The following STPG4 variants were observed in gnomAD, a reference collection of about 807,000 sequenced individuals.
STPG4 encodes the protein sperm-tail PG-rich repeat containing 4.
A neutral mutation model predicts 31.5 loss-of-function variants in STPG4; 41 were observed. The observed-to-expected ratio is 1.30, with a 90% CI of 1.01 to 1.69. The LOEUF (loss-of-function observed/expected upper bound fraction) is 1.69. STPG4 is among the 40% of genes most tolerant of loss of function. The pLI, the probability that STPG4 is intolerant of heterozygous loss-of-function variation, is 0.00. For missense variants in STPG4, 375 were observed against 293.4 expected, an observed-to-expected ratio of 1.28 and a Z score of -2.03; for synonymous variants, 141 against 103.0, an observed-to-expected ratio of 1.37 and a Z score of -2.24.
intron 5 of STPG4, among the ~76,000 whole-genome samples, chr2:47,122,712 T>A (rs567826993): frequency 6.6e-6 from 1 of 152,166 alleles, no homozygotes; most frequent in Non-Finnish European, 1.5e-5. Flanking sequence ...ATGTTTGCTA[T>A]GCGGTCTTTT....
chr2:47,154,834 G>C (rs78996377), intron 1 of STPG4, among the ~76,000 whole-genome samples: 3,627 of 152,248 alleles, frequency 0.024, 153 homozygotes, highest in African/African-American at 0.083. Context: ...CCAGTCTTCC[G>C]GCAGATGGAG....
chr2:47,136,325 T>C (rs1343708105), intron 3 of STPG4, among the ~76,000 whole-genome samples: 1 of 152,110 alleles, frequency 6.6e-6, no homozygotes, highest in Non-Finnish European at 1.5e-5. Context: ...TTTTGTATTT[T>C]TCAGTAGAGA....
In STPG4 at chr2:47,101,649, A is replaced by C. The variant is rs571090380; in HGVS notation, c.520-11275T>G. 4.0e-5 allele frequency among the ~76,000 whole-genome samples: 6 copies of C among 151,836 alleles called. No homozygotes were observed. The East Asian group carries it at 1.2e-3, about 29-fold the overall frequency. ...CCGGGTTCACCAATCAGAAAGACAT[A>C]ATTTTTGCCCAAAGCCCCATCATAG... On this transcript the variant is annotated intron_variant, in intron 5 of 6. Coordinates refer to ENST00000445927, the MANE Select transcript of STPG4 (RefSeq NM_001163561.2).
intron 5 of STPG4, among the ~76,000 whole-genome samples, chr2:47,110,779 T>C (rs546778372): frequency 3.6e-4 from 55 of 152,358 alleles, no homozygotes; most frequent in Non-Finnish European, 6.3e-4. Context: ...TCCTGCATTT[T>C]TCACTACACA....
chr2:47,101,741 G>C (rs1685804879), intron 5 of STPG4, among the ~76,000 whole-genome samples: 1 of 151,796 alleles, frequency 6.6e-6, no homozygotes, highest in South Asian at 2.1e-4. Flanking sequence ...TATTCCTGAA[G>C]CTAGGATATG....
Position 47,151,516 on chromosome 2 carries a change from C to T in STPG4, c.142-1G>A, listed in dbSNP as rs1253844884. ...GGTAAGTGCCAGGTATAGGAGTATC[C>T]TGTGGAAAATTGACATCAGTTTTAA... On this transcript the variant is annotated splice_acceptor_variant, in intron 2 of 6. Coordinates refer to ENST00000445927, the MANE Select transcript of STPG4 (RefSeq NM_001163561.2). LOFTEE classifies it high-confidence loss of function. 5 of 1,612,286 alleles carry T rather than the reference C, an allele frequency of 3.1e-6. No individual in the cohort carries two copies. Among genetic ancestry groups the T allele is most frequent in the Non-Finnish European group, 4.2e-6 (5 of 1,179,262 alleles).
At chr2:47,097,240 T>C (rs2103733607) in intron 5 of STPG4, among the ~76,000 whole-genome samples, 1 of 152,290 alleles carries the variant, frequency 6.6e-6, no homozygotes, top group Non-Finnish European at 1.5e-5. Flanking sequence ...TCCTTTAATA[T>C]GAGATATGAC....
chr2:47,127,270 T>TTTTTTTTTTTTTTTTTTG (rs1686384623), intron 5 of STPG4, among the ~76,000 whole-genome samples: 1 of 120,486 alleles, frequency 8.3e-6, no homozygotes, highest in Non-Finnish European at 1.7e-5. Context: ...TTTTTTTTTT[T>TTTTTTTTTTTTTTTTTTG]TTTTTTTTTT....
intron 3 of STPG4, among the ~76,000 whole-genome samples, chr2:47,136,582 T>C (rs911070879): frequency 6.6e-6 from 1 of 152,222 alleles, no homozygotes; most frequent in Non-Finnish European, 1.5e-5. Context: ...TGTGTGTTCT[T>C]GACCTTACCA....
At chr2:47,154,329 C>T (rs538769867) in intron 1 of STPG4, among the ~76,000 whole-genome samples, 1 of 152,300 alleles carries the variant, frequency 6.6e-6, no homozygotes, top group East Asian at 1.9e-4. Context: ...CTTTTATAGT[C>T]ACAGAAATAC....
chr2:47,089,986 T>C (rs115487133), intron 6 of STPG4, among the ~76,000 whole-genome samples: 6 of 152,196 alleles, frequency 3.9e-5, no homozygotes, highest in East Asian at 3.8e-4. Flanking sequence ...GTTGGTAACA[T>C]TGATGGCTGA....
intron 5 of STPG4, among the ~76,000 whole-genome samples, chr2:47,112,492 A>G (rs1368643585): frequency 1.3e-5 from 2 of 152,168 alleles, no homozygotes; most frequent in African/African-American, 4.8e-5. Context: ...TTGTATGTAT[A>G]AGTGACTAAA....
Position 47,090,170 on chromosome 2 carries a change from C to T in STPG4, c.624+100G>A, listed in dbSNP as rs960372088. The T allele has an allele frequency of 1.4e-5, 11 of 765,652 alleles. No individual in the cohort carries two copies. The African/African-American group carries it at 1.8e-4, about 12-fold the overall frequency. 47.4% of individuals were successfully genotyped at this position (765,652 alleles called of 1,614,324 possible). A position where few individuals can be genotyped will look rare whatever the true frequency, so the allele number is the denominator to read the frequency against. On this transcript the variant is annotated intron_variant, in intron 6 of 6. Coordinates refer to ENST00000445927, the MANE Select transcript of STPG4 (RefSeq NM_001163561.2). ...TACACACATGATCATTCCCCCATCT[C>T]ACCACCACCCCGCACCTCCTACACA... is the stretch of plus-strand genomic sequence containing the variant.
intron 5 of STPG4, 46 bp from the exon 6 acceptor site, chr2:47,090,420 T>C (rs763409151): frequency 1.0e-4 from 131 of 1,250,042 alleles, no homozygotes; most frequent in African/African-American, 3.0e-5. Flanking sequence ...GTACATTTGA[T>C]ATATTTTAAG....
At chr2:47,144,212 G>A (rs970541571) in intron 3 of STPG4, among the ~76,000 whole-genome samples, 4 of 152,196 alleles carry the variant, frequency 2.6e-5, no homozygotes, top group African/African-American at 7.2e-5. Context: ...CTTCTACTCT[G>A]CAAGGTAGAC....
At chr2:47,139,230 T>C (rs1686657884) in intron 3 of STPG4, among the ~76,000 whole-genome samples, 1 of 152,222 alleles carries the variant, frequency 6.6e-6, no homozygotes, top group Non-Finnish European at 1.5e-5. Flanking sequence ...GCAGTTCTAT[T>C]AGTTATTGCC....
chr2:47,138,495 G>A (rs962927924), intron 3 of STPG4, among the ~76,000 whole-genome samples: 19 of 151,342 alleles, frequency 1.3e-4, no homozygotes, highest in African/African-American at 3.9e-4. Flanking sequence ...GGGTTCAAGT[G>A]AGTCTCCTGC....
At chr2:47,112,949 G>C (rs1315901690) in intron 5 of STPG4, among the ~76,000 whole-genome samples, 3 of 132,078 alleles carry the variant, frequency 2.3e-5, no homozygotes, top group African/African-American at 8.7e-5. Flanking sequence ...CCAAGATTAT[G>C]TCACTGCGCT....
At chr2:47,094,721 T>C (rs1430074645) in intron 5 of STPG4, among the ~76,000 whole-genome samples, 1 of 152,194 alleles carries the variant, frequency 6.6e-6, no homozygotes, top group Non-Finnish European at 1.5e-5. Context: ...TTGTTAAGTG[T>C]GATCCCAGTG....
Sources: gnomAD v4.1 joint callset for allele counts (sites outside exome capture counted in the v4.1 genomes callset) on GRCh38, gnomAD v4.1.1 for gene constraint, MANE v1.5 for transcripts, NCBI Gene and HGNC (gene_info 2026-07-23, HGNC 2026-07-21) for gene names.